Variants in AXDND1 observed in about 807,000 individuals in gnomAD.
AXDND1 encodes axonemal dynein light chain domain containing 1.
Under a neutral mutation model 137.5 loss-of-function variants are expected in AXDND1, and 110 were observed. That is an observed-to-expected ratio of 0.80 (90% CI 0.69 to 0.94). The LOEUF is 0.94. AXDND1 is among the 40% of genes least tolerant of loss of function. The pLI, the probability that AXDND1 is intolerant of heterozygous loss-of-function variation, is 0.00. For missense variants in AXDND1, 1,191 were observed against 1,169.8 expected, an observed-to-expected ratio of 1.02 and a Z score of -0.26; for synonymous variants, 414 against 399.7, an observed-to-expected ratio of 1.04 and a Z score of -0.43.
intron 2 of AXDND1, among the ~76,000 whole-genome samples, chr1:179,367,006 G>A (rs932504688): frequency 1.3e-5 from 2 of 151,322 alleles, no homozygotes; most frequent in African/African-American, 4.9e-5. Flanking sequence ...GATCACTTGA[G>A]GTCAGGAGTT....
chr1:179,409,919 C>T (rs1653600625), intron 11 of AXDND1, among the ~76,000 whole-genome samples: 1 of 151,916 alleles, frequency 6.6e-6, no homozygotes, highest in African/African-American at 2.4e-5. Flanking sequence ...TATCTGTCTA[C>T]TCTTTTGTTG....
intron 11 of AXDND1, among the ~76,000 whole-genome samples, chr1:179,405,635 G>A (rs546361642): frequency 1.3e-4 from 20 of 151,936 alleles, no homozygotes; most frequent in Non-Finnish European, 2.2e-4. Context: ...AGTATATCTA[G>A]TTTCTTCTAG....
chr1:179,495,772 G>A (rs1044856413), intron 20 of AXDND1, among the ~76,000 whole-genome samples: 9 of 151,502 alleles, frequency 5.9e-5, no homozygotes, highest in Admixed American at 2.0e-4. Flanking sequence ...CCTTGCCTTG[G>A]TCCATCTTAG....
rs778772575 is a variant in AXDND1 at position 179,395,234 on chromosome 1, A to AGG, written c.1109+35_1109+36dup. On this transcript the variant is annotated intron_variant, in intron 11 of 25. Coordinates refer to ENST00000367618, the MANE Select transcript of AXDND1 (RefSeq NM_144696.6). ...TGCTTAAAGTTTGTTTAGCTTACATAGGGGAAAAGGAAGAAGCTTATATAG... is the reference window on the plus strand; with the variant it reads ...TGCTTAAAGTTTGTTTAGCTTACATAGGGGGGAAAAGGAAGAAGCTTATATAG... The AGG allele has an allele frequency of 3.2e-6, 5 of 1,557,878 alleles. No homozygotes were observed. The African/African-American group carries it at 6.9e-5, about 21-fold the overall frequency.
intron 23 of AXDND1, among the ~76,000 whole-genome samples, chr1:179,533,424 A>C (rs889061439): frequency 6.6e-6 from 1 of 152,200 alleles, no homozygotes; most frequent in Non-Finnish European, 1.5e-5. Context: ...CAGATATACA[A>C]GTTAGCTTCC....
intron 16 of AXDND1, among the ~76,000 whole-genome samples, chr1:179,467,979 A>G (rs1012441663): frequency 6.6e-6 from 1 of 152,192 alleles, no homozygotes; most frequent in African/African-American, 2.4e-5. Flanking sequence ...ACTAAAAGCT[A>G]TAAACTTTAT....
At chr1:179,542,505 T>G (rs1359925777) in intron 25 of AXDND1, among the ~76,000 whole-genome samples, 1 of 152,198 alleles carries the variant, frequency 6.6e-6, no homozygotes, top group Non-Finnish European at 1.5e-5. Context: ...AGTCCTTAGT[T>G]TTAGGTTTGA....
intron 18 of AXDND1, among the ~76,000 whole-genome samples, chr1:179,483,636 T>C (rs758757635): frequency 6.6e-6 from 1 of 152,206 alleles, no homozygotes; most frequent in Non-Finnish European, 1.5e-5. Context: ...AATCCCTTCT[T>C]TGGCAAAAAT....
At position 179,423,198 on chromosome 1, in the gene AXDND1, C is replaced by CTT. The variant is rs35627674; in HGVS notation, c.1231-6311_1231-6310dup. 9.1e-3 allele frequency among the ~76,000 whole-genome samples: 1,357 copies of CTT among 149,460 alleles called. 44 individuals carry two copies. The highest frequency in any genetic ancestry group is 0.056 in the Admixed American group (836 of 14,984). On this transcript the variant is annotated intron_variant, in intron 12 of 25. Coordinates refer to ENST00000367618, the MANE Select transcript of AXDND1 (RefSeq NM_144696.6). The stretch of plus-strand genomic sequence containing the variant: ...GAATCCTTTATAATTATATAGTAAC[C>CTT]TTTTTTTTTTACAGTCTTTGATTTG...
chr1:179,395,294 T>C (rs1006849087), intron 11 of AXDND1, 92 bp downstream of exon 11: 4 of 987,316 alleles, frequency 4.1e-6, no homozygotes, highest in Non-Finnish European at 3.0e-6. Context: ...TATAACTTCT[T>C]GAATTCTAAA....
chr1:179,432,868 A>G (rs1657587358), intron 15 of AXDND1, among the ~76,000 whole-genome samples: 1 of 151,490 alleles, frequency 6.6e-6, no homozygotes, highest in African/African-American at 2.4e-5. Flanking sequence ...GCACCACTGC[A>G]CTCCAGCCTG....
chr1:179,401,258 CAAAAAAAAA>C lies in AXDND1; in HGVS notation c.1109+6068_1109+6076del, dbSNP rs201354000. On this transcript the variant is annotated intron_variant, in intron 11 of 25. Transcript: ENST00000367618. Reference sequence around the variant, plus strand: ...GGGCAACAAGAACAAAACTCCATCTCAAAAAAAAAAAAAAAAAAAAGAACGTCTGCCTAT... The same window carrying C: ...GGGCAACAAGAACAAAACTCCATCTCAAAAAAAAAAAGAACGTCTGCCTAT... Among the ~76,000 whole-genome samples, 5 of 83,680 alleles carry C rather than the reference CAAAAAAAAA, an allele frequency of 6.0e-5. No homozygotes were observed. The East Asian group carries it at 1.6e-3, about 28-fold the overall frequency. 54.9% of individuals were successfully genotyped at this position (83,680 alleles called of 152,430 possible). A position where few individuals can be genotyped will look rare whatever the true frequency, so the allele number is the denominator to read the frequency against.
At chr1:179,514,184 C>T (rs944642212) in intron 21 of AXDND1, among the ~76,000 whole-genome samples, 3 of 151,888 alleles carry the variant, frequency 2.0e-5, no homozygotes, top group East Asian at 1.9e-4. Context: ...GTATTCTTTC[C>T]GTCTTTTTGA....
At chr1:179,463,229 C>A (rs1662622902) in intron 16 of AXDND1, among the ~76,000 whole-genome samples, 1 of 152,168 alleles carries the variant, frequency 6.6e-6, no homozygotes, top group South Asian at 2.1e-4. Context: ...AATTTTATAT[C>A]TTTCCTGCTT....
intron 22 of AXDND1, among the ~76,000 whole-genome samples, chr1:179,527,862 C>G (rs1670683305): frequency 6.6e-6 from 1 of 152,126 alleles, no homozygotes; most frequent in African/African-American, 2.4e-5. Context: ...CTACTACCAC[C>G]TGTAGACTTA....
intron 12 of AXDND1, among the ~76,000 whole-genome samples, chr1:179,413,096 A>G (rs1654140497): frequency 6.6e-6 from 1 of 152,164 alleles, no homozygotes; most frequent in African/African-American, 2.4e-5. Context: ...CCTTTATTGA[A>G]GTACAATTGA....
chr1:179,540,813 C>G (rs1356192731), intron 25 of AXDND1, among the ~76,000 whole-genome samples: 9 of 152,234 alleles, frequency 5.9e-5, no homozygotes, highest in African/African-American at 4.8e-5. Context: ...GGTGCTCTGT[C>G]CCAGGGAGAT....
intron 18 of AXDND1, among the ~76,000 whole-genome samples, chr1:179,488,634 CCTT>C (rs764652806): frequency 0.16 from 17,044 of 105,116 alleles, 2,334 homozygotes; most frequent in South Asian, 0.26. Flanking sequence ...CTCTCTCTCT[CCTT>C]TCTTTCTTTC....
At chr1:179,440,508 C>T (rs1314379413) in intron 15 of AXDND1, among the ~76,000 whole-genome samples, 1 of 152,226 alleles carries the variant, frequency 6.6e-6, no homozygotes, top group East Asian at 1.9e-4. Context: ...ACAGGTGTGG[C>T]TCCAGGGAGA....
Sources: allele counts gnomAD v4.1 joint callset (sites outside exome capture counted in the v4.1 genomes callset), GRCh38; gene constraint gnomAD v4.1.1; transcripts MANE v1.5; gene names NCBI Gene and HGNC (gene_info 2026-07-23, HGNC 2026-07-21).